The following MAP4K4 variants were observed in gnomAD, a reference collection of about 807,000 sequenced individuals.
MAP4K4 encodes mitogen-activated protein kinase kinase kinase kinase 4, also known as HPK/GCK-like kinase HGK.
Under a neutral mutation model 189.6 loss-of-function variants are expected in MAP4K4, and 38 were observed. That is an observed-to-expected ratio of 0.20 (90% CI 0.15 to 0.26). MAP4K4 has a LOEUF of 0.26. Among genes scored for constraint, MAP4K4 ranks in the 10% least tolerant of loss-of-function variants. The pLI is 1.00. For synonymous variants in MAP4K4, 610 were observed against 624.3 expected, an observed-to-expected ratio of 0.98 and a Z score of 0.34; for missense variants, 1,054 against 1,726.9, an observed-to-expected ratio of 0.61 and a Z score of 6.91.
intron 2 of MAP4K4, among the ~76,000 whole-genome samples, chr2:101,788,628 T>C (rs1402911314): frequency 6.6e-6 from 1 of 152,222 alleles, no homozygotes; most frequent in African/African-American, 2.4e-5. Flanking sequence ...TGCTGTCACA[T>C]GGTCTGGCCT....
chr2:101,764,861 CT>C (rs1452912596), intron 2 of MAP4K4, among the ~76,000 whole-genome samples: 1 of 152,026 alleles, frequency 6.6e-6, no homozygotes, highest in Non-Finnish European at 1.5e-5. Context: ...ATCCTAGATG[CT>C]TTTAAGTGAA....
intron 12 of MAP4K4, among the ~76,000 whole-genome samples, chr2:101,844,873 C>T (rs2097044874): frequency 6.6e-6 from 1 of 152,016 alleles, no homozygotes; most frequent in Non-Finnish European, 1.5e-5. Flanking sequence ...ACCACCATGG[C>T]ACACGTTTAC....
intron 3 of MAP4K4, among the ~76,000 whole-genome samples, chr2:101,813,756 GA>G (rs1236048926): frequency 6.6e-6 from 1 of 152,188 alleles, no homozygotes; most frequent in East Asian, 1.9e-4. Flanking sequence ...TCGTGGGCTA[GA>G]AATGAATATA....
intron 2 of MAP4K4, among the ~76,000 whole-genome samples, chr2:101,714,383 C>T (rs2047308906): frequency 6.6e-6 from 1 of 152,084 alleles, no homozygotes; most frequent in Non-Finnish European, 1.5e-5. Flanking sequence ...AAAGTTATGC[C>T]ATCTTTATGC....
At chr2:101,792,243 C>T (rs1052163553) in intron 3 of MAP4K4, among the ~76,000 whole-genome samples, 3 of 152,230 alleles carry the variant, frequency 2.0e-5, no homozygotes, top group African/African-American at 7.2e-5. Flanking sequence ...CTGGAAAATA[C>T]GGTCTTTGCA....
intron 2 of MAP4K4, among the ~76,000 whole-genome samples, chr2:101,721,384 C>G (rs1349276664): frequency 1.3e-5 from 2 of 151,406 alleles, no homozygotes; most frequent in African/African-American, 4.9e-5. Flanking sequence ...CAAGAAAGAG[C>G]CTGTCTGAAA....
exon 33 of MAP4K4, chr2:101,892,023 A>AGG (rs2098578637): frequency 6.6e-6 from 1 of 151,778 alleles, no homozygotes; most frequent in African/African-American, 2.4e-5. Flanking sequence ...AAAGGAAAAA[A>AGG]AAAAAGAAAA....
chr2:101,700,292 C>T (rs1339352830), intron 2 of MAP4K4, among the ~76,000 whole-genome samples: 1 of 152,228 alleles, frequency 6.6e-6, no homozygotes, highest in African/African-American at 2.4e-5. Context: ...TATTTCCCCT[C>T]ATTGCCATTT....
chr2:101,848,406 T>A (rs2097177259), intron 12 of MAP4K4, among the ~76,000 whole-genome samples: 1 of 152,220 alleles, frequency 6.6e-6, no homozygotes. Context: ...AGCCCTTTAT[T>A]GGCATTAAGG....
At chr2:101,731,056 A>T (rs1291624159) in intron 2 of MAP4K4, among the ~76,000 whole-genome samples, 1 of 151,534 alleles carries the variant, frequency 6.6e-6, no homozygotes, top group African/African-American at 2.4e-5. Context: ...AAAAAAAACC[A>T]AACAGTTGAA....
intron 2 of MAP4K4, among the ~76,000 whole-genome samples, chr2:101,722,147 C>T (rs771269250): frequency 6.6e-6 from 1 of 152,164 alleles, no homozygotes; most frequent in Non-Finnish European, 1.5e-5. Context: ...TAAAGTCTCA[C>T]TATAAAGCAG....
chr2:101,863,754 G>A lies in MAP4K4; in HGVS notation c.1867-67G>A, dbSNP rs561212287. On this transcript the variant is annotated intron_variant, in intron 16 of 32. Transcript: ENST00000324219. Reference sequence around the variant, plus strand: ...TCTGCCAGTTCCTGCTTTGGATTTGGTATTGACCAGAAAAGCCAGTTTTAT... The same window carrying A: ...TCTGCCAGTTCCTGCTTTGGATTTGATATTGACCAGAAAAGCCAGTTTTAT... 66 of 1,084,514 alleles carry A rather than the reference G, an allele frequency of 6.1e-5. No individual in the cohort carries two copies. In the Admixed American group the frequency reaches 1.3e-3, roughly 21 times the overall value. The allele number at this position is 1,084,514 out of a possible 1,614,324, so 67.2% of individuals were successfully genotyped here. A position where few individuals can be genotyped will look rare whatever the true frequency, so the allele number is the denominator to read the frequency against.
chr2:101,719,655 A>G (rs528810085), intron 2 of MAP4K4, among the ~76,000 whole-genome samples: 2 of 152,326 alleles, frequency 1.3e-5, no homozygotes, highest in East Asian at 3.9e-4. Flanking sequence ...CACCTAGGAA[A>G]GCAGACAGTA....
At chr2:101,814,823 A>T (rs968214637) in intron 3 of MAP4K4, among the ~76,000 whole-genome samples, 1 of 152,218 alleles carries the variant, frequency 6.6e-6, no homozygotes, top group African/African-American at 2.4e-5. Context: ...ATACATAAGC[A>T]GGAGTTGGGG....
At chr2:101,807,953 G>T (rs909446734) in intron 3 of MAP4K4, among the ~76,000 whole-genome samples, 2 of 152,198 alleles carry the variant, frequency 1.3e-5, no homozygotes, top group African/African-American at 4.8e-5. Context: ...TTACCTCCAG[G>T]CCCTACCTCC....
intron 2 of MAP4K4, among the ~76,000 whole-genome samples, chr2:101,775,041 T>C (rs934326722): frequency 6.6e-6 from 1 of 151,332 alleles, no homozygotes; most frequent in Admixed American, 6.6e-5. Context: ...CCTCTTTTTT[T>C]TTTTTTTTTT....
intron 3 of MAP4K4, among the ~76,000 whole-genome samples, chr2:101,804,260 A>G (rs2094682428): frequency 6.6e-6 from 1 of 152,138 alleles, no homozygotes; most frequent in African/African-American, 2.4e-5. Flanking sequence ...ATTTGTTTTA[A>G]TTGCAAAACA....
At chr2:101,734,705 A>G (rs373323506) in intron 2 of MAP4K4, among the ~76,000 whole-genome samples, 2 of 152,212 alleles carry the variant, frequency 1.3e-5, no homozygotes, top group East Asian at 1.9e-4. Flanking sequence ...CTGTGAGCCA[A>G]TCCTTTTTGC....
chr2:101,800,609 T>C (rs2148968258), intron 3 of MAP4K4, among the ~76,000 whole-genome samples: 1 of 152,324 alleles, frequency 6.6e-6, no homozygotes, highest in African/African-American at 2.4e-5. Flanking sequence ...ATTGAAAATA[T>C]GACTACTAAT....
Sources: gnomAD v4.1 joint callset for allele counts (sites outside exome capture counted in the v4.1 genomes callset) on GRCh38, gnomAD v4.1.1 for gene constraint, MANE v1.5 for transcripts, NCBI Gene and HGNC (gene_info 2026-07-23, HGNC 2026-07-21) for gene names.